Variants in PTPRJ observed in about 807,000 individuals in gnomAD.
PTPRJ encodes protein tyrosine phosphatase receptor type J.
A neutral mutation model predicts 141.3 loss-of-function variants in PTPRJ; 129 were observed. The observed-to-expected ratio is 0.91, with a 90% confidence interval of 0.79 to 1.06. The LOEUF is 1.06. PTPRJ is among the 50% of genes least tolerant of loss of function. PTPRJ has a pLI of 0.00. For synonymous variants in PTPRJ, 610 were observed against 640.5 expected, an observed-to-expected ratio of 0.95 and a Z score of 0.72; for missense variants, 1,601 against 1,679.7, an observed-to-expected ratio of 0.95 and a Z score of 0.82.
At chr11:48,027,027 C>T (rs2930197) in intron 1 of PTPRJ, among the ~76,000 whole-genome samples, 7,499 of 104,538 alleles carry the variant, frequency 0.072, 758 homozygotes, top group African/African-American at 0.25. Context: ...TTTTTTGAGA[C>T]GGCGTCTCGC....
At chr11:48,041,559 T>C (rs991430598) in intron 1 of PTPRJ, among the ~76,000 whole-genome samples, 1 of 152,174 alleles carries the variant, frequency 6.6e-6, no homozygotes, top group African/African-American at 2.4e-5. Context: ...ATGAGGCACA[T>C]GTAGGATTTA....
intron 1 of PTPRJ, among the ~76,000 whole-genome samples, chr11:48,065,155 C>T (rs1855051845): frequency 6.6e-6 from 1 of 151,806 alleles, no homozygotes; most frequent in African/African-American, 2.4e-5. Context: ...GCTGGGACTA[C>T]AGGCATGCAC....
Position 48,156,044 on chromosome 11 carries a change from A to G in PTPRJ, c.3363A>G (p.Lys1121=), listed in dbSNP as rs1364638025. The change falls in exon 21 of 25, where the codon AAA becomes AAG. Residue 1121 remains lysine, a synonymous_variant. Coordinates refer to ENST00000418331, the MANE Select transcript of PTPRJ (RefSeq NM_002843.4). The part of the protein sequence containing the change: ...ATQGPLPNTL[K]DFWRMVWEKN... ...AAGGACCTTTACCGAACACTTTGAA[A>G]GATTTTTGGCGTATGGTTTGGGAGA... 1.2e-6 allele frequency: 2 copies of G among 1,604,416 alleles called. No homozygotes were observed. The highest frequency in any genetic ancestry group is 3.3e-5 in the Admixed American group (2 of 60,016).
intron 21 of PTPRJ, 32 bp downstream of exon 21, chr11:48,156,151 AATTAC>A (rs1243912151): frequency 6.6e-7 from 1 of 1,504,024 alleles, no homozygotes; most frequent in Non-Finnish European, 9.1e-7. Context: ...TAAAATTTAA[AATTAC>A]ATTAATTGCT....
chr11:48,015,240 C>T (rs758182168), intron 1 of PTPRJ, among the ~76,000 whole-genome samples: 5 of 151,808 alleles, frequency 3.3e-5, no homozygotes, highest in South Asian at 2.1e-4. Flanking sequence ...TGAATCAGGC[C>T]GGGAAAGAGG....
intron 1 of PTPRJ, among the ~76,000 whole-genome samples, chr11:48,105,014 A>G (rs1856250838): frequency 6.6e-6 from 1 of 152,178 alleles, no homozygotes; most frequent in Non-Finnish European, 1.5e-5. Context: ...TAAGGCTTGA[A>G]TGAGATGATA....
chr11:48,003,562 C>G (rs896899232), intron 1 of PTPRJ, among the ~76,000 whole-genome samples: 1 of 152,156 alleles, frequency 6.6e-6, no homozygotes, highest in Non-Finnish European at 1.5e-5. Flanking sequence ...GTGGCACGAT[C>G]TTGGTTCACT....
intron 1 of PTPRJ, among the ~76,000 whole-genome samples, chr11:47,984,565 G>GT (rs397848968): frequency 0.034 from 4,945 of 146,380 alleles, 258 homozygotes; most frequent in African/African-American, 0.11. Flanking sequence ...TTATTTGTTT[G>GT]TTTTTTTTTT....
At chr11:48,047,844 C>T (rs60085783) in intron 1 of PTPRJ, among the ~76,000 whole-genome samples, 10,200 of 152,014 alleles carry the variant, frequency 0.067, 1,171 homozygotes, top group African/African-American at 0.23. Context: ...GTGGGGCTGA[C>T]GTGGCCTGGG....
In PTPRJ at chr11:48,005,534, C is replaced by T. The variant is rs566389459; in HGVS notation, c.96+24526C>T. ...TTGGAGCAGGTATCACTGCTTTGTT[C>T]TTTTTTTATGGCTGAATGATATTTC... On this transcript the variant is annotated intron_variant, in intron 1 of 24. Transcript: ENST00000418331. Among the ~76,000 whole-genome samples, 5 of 152,288 alleles carry T rather than the reference C, an allele frequency of 3.3e-5. No individual in the cohort carries two copies. In the South Asian group the frequency reaches 1.0e-3, roughly 32 times the overall value.
At position 48,121,206 on chromosome 11, in the gene PTPRJ, A is replaced by C. The variant is rs768664284; in HGVS notation, c.556A>C (p.Ile186Leu). Residue 186 changes from isoleucine (I) to leucine (L), a missense_variant, in exon 4 of 25, where the codon ATC becomes CTC. Ile to Leu is a conservative substitution (Grantham distance 5, BLOSUM62 2). Coordinates refer to ENST00000418331, the MANE Select transcript of PTPRJ (RefSeq NM_002843.4). Reference sequence around the variant, plus strand: ...TCCAGCGACTTCATATGTATTCTCCATCACTCCAGGAATAGGCAATGAGAC... The same window carrying C: ...TCCAGCGACTTCATATGTATTCTCCCTCACTCCAGGAATAGGCAATGAGAC... ...LRPATSYVFS[I>L]TPGIGNETWG... The C allele has an allele frequency of 6.2e-7, 1 of 1,614,172 alleles. No individual in the cohort carries two copies.
At chr11:48,160,579 T>C (rs1485144217) in intron 22 of PTPRJ, among the ~76,000 whole-genome samples, 1 of 152,200 alleles carries the variant, frequency 6.6e-6, no homozygotes, top group East Asian at 1.9e-4. Context: ...TCAAGGATGC[T>C]TTGAAAATAG....
rs1030602112 is a variant in PTPRJ at position 48,152,510 on chromosome 11, A to G, written c.3139-1286A>G. On this transcript the variant is annotated intron_variant, in intron 18 of 24. Coordinates refer to ENST00000418331, the MANE Select transcript of PTPRJ (RefSeq NM_002843.4). Reference sequence around the variant, plus strand: ...CCATTGCTTTTGGTGTTTTAGACGTAAAGTCCTTGCCCATGCCTATGTCCT... The same window carrying G: ...CCATTGCTTTTGGTGTTTTAGACGTGAAGTCCTTGCCCATGCCTATGTCCT... Among the ~76,000 whole-genome samples, 21 of 152,326 alleles carry G rather than the reference A, an allele frequency of 1.4e-4. No homozygotes were observed. The East Asian group carries it at 1.7e-3, about 13-fold the overall frequency.
intron 1 of PTPRJ, among the ~76,000 whole-genome samples, chr11:47,997,674 G>A (rs1005556226): frequency 1.3e-5 from 2 of 152,164 alleles, no homozygotes; most frequent in Non-Finnish European, 2.9e-5. Context: ...AAGCTCTGCT[G>A]CAAGGGATGT....
Position 48,136,027 on chromosome 11 carries a change from T to C in PTPRJ, c.1616-12T>C, listed in dbSNP as rs757801215. 5 of 1,607,448 alleles carry C rather than the reference T, an allele frequency of 3.1e-6. No homozygotes were observed. Among genetic ancestry groups the C allele is most frequent in the South Asian group, 2.2e-5 (2 of 90,906 alleles). On this transcript the variant is annotated splice_polypyrimidine_tract_variant and intron_variant, in intron 8 of 24. Coordinates refer to ENST00000418331, the MANE Select transcript of PTPRJ (RefSeq NM_002843.4). ...TAACAGTTTTCCCTTCTCCTTCCTT[T>C]CTTCTGAGCAGTTCCCAGTGCAGTG...
rs538447514 is a variant in PTPRJ at position 48,167,522 on chromosome 11, A to G, written c.*160A>G. On this transcript the variant is annotated 3_prime_UTR_variant, in exon 25 of 25. Transcript: ENST00000418331. Reference sequence around the variant, plus strand: ...GGCATGAAGCTGCATATGATAGATGACAAATTGGGGCTGTCGGGGGCTGTG... The same window carrying G: ...GGCATGAAGCTGCATATGATAGATGGCAAATTGGGGCTGTCGGGGGCTGTG... 2.7e-5 allele frequency: 22 copies of G among 813,694 alleles called. No homozygotes were observed. In the East Asian group the frequency reaches 6.5e-4, roughly 24 times the overall value. 50.4% of individuals were successfully genotyped at this position (813,694 alleles called of 1,614,324 possible). A position where few individuals can be genotyped will look rare whatever the true frequency, so the allele number is the denominator to read the frequency against.
At chr11:48,095,891 A>G (rs1314049956) in intron 1 of PTPRJ, among the ~76,000 whole-genome samples, 2 of 152,070 alleles carry the variant, frequency 1.3e-5, no homozygotes, top group Non-Finnish European at 1.5e-5. Context: ...TCAAGCATCT[A>G]TTTTGTGCAA....
rs769965234 is a variant in PTPRJ, at chr11:48,137,138, C to T, written c.2009C>T (p.Ala670Val). The part of the protein sequence containing the change: ...LIEKAGNSSN[A>V]TQVVTDIGIT... ...GAGAAGGCTGGAAATTCCAGCAACGCAACACAAGTAGTCACGGACATTGGA... is the reference window on the plus strand; with the variant it reads ...GAGAAGGCTGGAAATTCCAGCAACGTAACACAAGTAGTCACGGACATTGGA... The change falls in exon 10 of 25, where the codon GCA becomes GTA. Residue 670 changes from alanine to valine, a missense_variant. Ala to Val is a moderately conservative substitution (Grantham distance 64). Coordinates refer to ENST00000418331, the MANE Select transcript of PTPRJ (RefSeq NM_002843.4). The T allele has an allele frequency of 1.9e-6, 3 of 1,612,866 alleles. No individual in the cohort carries two copies. The highest frequency in any genetic ancestry group is 2.2e-5 in the East Asian group (1 of 44,888).
rs777121066 is a variant in PTPRJ at position 48,123,622 on chromosome 11, C to T, written c.626C>T (p.Pro209Leu). Residue 209 changes from proline (P) to leucine (L), a missense_variant, in exon 5 of 25, where the codon CCA becomes CTA. Physicochemically the swap from Pro to Leu is moderately conservative, Grantham distance 98. Coordinates refer to ENST00000418331, the MANE Select transcript of PTPRJ (RefSeq NM_002843.4). The stretch of plus-strand genomic sequence containing the variant: ...TGTATTTTTAAAATAGAGCCGATCC[C>T]AGTTTCTGATCTCCGTGTTGCCCTC... Reference protein sequence around the residue: ...RVIKVITEPIPVSDLRVALTG... With the variant: ...RVIKVITEPILVSDLRVALTG... 2 of 1,612,626 alleles carry T rather than the reference C, an allele frequency of 1.2e-6. No individual in the cohort carries two copies. Among genetic ancestry groups the T allele is most frequent in the South Asian group, 1.1e-5 (1 of 90,930 alleles).
Sources: gnomAD v4.1 joint callset for allele counts (sites outside exome capture counted in the v4.1 genomes callset) on GRCh38, gnomAD v4.1.1 for gene constraint, MANE v1.5 for transcripts, NCBI Gene and HGNC (gene_info 2026-07-23, HGNC 2026-07-21) for gene names.